Variants in PTPN2 observed in about 807,000 individuals in gnomAD.
The protein encoded by PTPN2 is protein tyrosine phosphatase non-receptor type 2.
A neutral mutation model predicts 57.3 loss-of-function variants in PTPN2; 19 were observed. The observed-to-expected ratio is 0.33, with a 90% CI of 0.23 to 0.49. The LOEUF is 0.49. Among genes scored for constraint, PTPN2 ranks in the 20% least tolerant of loss-of-function variants. PTPN2 has a pLI of 0.99. For missense variants in PTPN2, 358 were observed against 501.1 expected (o/e 0.71, Z 2.73); for synonymous variants, 153 against 164.9 (o/e 0.93, Z 0.55).
chr18:12,792,039 T>C (rs1465333876), downstream of PTPN2: 2 of 187,416 alleles, frequency 1.1e-5, no homozygotes, highest in African/African-American at 4.7e-5. Context: ...TGTAAGGGTC[T>C]TGGATGCCTC....
At chr18:12,872,059 C>CA (rs1219804008) in intron 1 of PTPN2, among the ~76,000 whole-genome samples, 7 of 73,402 alleles carry the variant, frequency 9.5e-5, no homozygotes, top group South Asian at 3.3e-4. Context: ...AAAAAAAAAA[C>CA]AAAAAAACAA....
chr18:12,824,974 TACTC>T (rs1252905558), intron 5 of PTPN2, among the ~76,000 whole-genome samples: 2 of 152,220 alleles, frequency 1.3e-5, no homozygotes, highest in East Asian at 3.9e-4. Flanking sequence ...TAATCCCAGA[TACTC>T]AGGAGGCTGA....
chr18:12,878,304 G>A (rs1473973974), intron 1 of PTPN2, among the ~76,000 whole-genome samples: 10 of 148,602 alleles, frequency 6.7e-5, no homozygotes, highest in Admixed American at 6.7e-4. Context: ...GTGACAAAGT[G>A]AGACCCAGTC....
chr18:12,801,405 T>C (rs1487555606), intron 8 of PTPN2, among the ~76,000 whole-genome samples: 2 of 151,598 alleles, frequency 1.3e-5, no homozygotes, highest in Non-Finnish European at 2.9e-5. Context: ...CCCAGCTACA[T>C]GGGAGGGCTG....
intron 2 of PTPN2, chr18:12,840,637 G>T: frequency 6.6e-7 from 1 of 1,507,342 alleles, no homozygotes; most frequent in Non-Finnish European, 9.0e-7. Flanking sequence ...CTGTCACTCA[G>T]GGAAGTCAAG....
intron 5 of PTPN2, among the ~76,000 whole-genome samples, chr18:12,822,758 G>GTT (rs974499007): frequency 1.3e-5 from 2 of 152,204 alleles, no homozygotes; most frequent in South Asian, 2.1e-4. Context: ...ACTCCCATTG[G>GTT]TTCTTTCTTT....
intron 2 of PTPN2, among the ~76,000 whole-genome samples, chr18:12,847,841 C>A (rs1322972040): frequency 6.6e-6 from 1 of 151,008 alleles, no homozygotes; most frequent in Non-Finnish European, 1.5e-5. Flanking sequence ...TCAGGTGATC[C>A]ACCCACCTCT....
At chr18:12,788,430 G>T (rs1233434536), downstream of PTPN2, among the ~76,000 whole-genome samples, 3 of 30,510 alleles carry the variant, frequency 9.8e-5, no homozygotes, top group African/African-American at 2.2e-4. Flanking sequence ...GGGGGATCAG[G>T]GCTTTTTTTT....
At chr18:12,844,257 T>G (rs1297958496) in intron 2 of PTPN2, among the ~76,000 whole-genome samples, 2 of 152,242 alleles carry the variant, frequency 1.3e-5, no homozygotes, top group African/African-American at 4.8e-5. Context: ...GCACACACTT[T>G]TGTGTGGACA....
At chr18:12,874,353 G>A (rs1222589872) in intron 1 of PTPN2, among the ~76,000 whole-genome samples, 84 of 140,366 alleles carry the variant, frequency 6.0e-4, no homozygotes, top group Non-Finnish European at 1.1e-3. Flanking sequence ...GGTGAGGGGC[G>A]CCTCTGCCCG....
intron 2 of PTPN2, among the ~76,000 whole-genome samples, chr18:12,839,810 C>T (rs1327019862): frequency 6.6e-6 from 1 of 151,762 alleles, no homozygotes; most frequent in African/African-American, 2.4e-5. Flanking sequence ...ACAAGGAGTC[C>T]CTTCACCTCC....
At chr18:12,875,645 A>C (rs7243270) in intron 1 of PTPN2, among the ~76,000 whole-genome samples, 3,601 of 152,336 alleles carry the variant, frequency 0.024, 154 homozygotes, top group African/African-American at 0.082. Context: ...GAGGATTTCC[A>C]AGGGAAACAA....
chr18:12,817,413 TA>T, intron 5 of PTPN2, 48 bp from the exon 6 acceptor site: 1 of 1,381,092 alleles, frequency 7.2e-7, no homozygotes, highest in Non-Finnish European at 1.0e-6. Context: ...TTTTTTCTTT[TA>T]AAAAACTACT....
chr18:12,839,413 T>C (rs1372433756), intron 2 of PTPN2: 4 of 152,174 alleles, frequency 2.6e-5, no homozygotes, highest in African/African-American at 4.8e-5. Flanking sequence ...TCCTCTTCCA[T>C]AGGAACCTCT....
At chr18:12,839,429 G>A (rs2042972968) in intron 2 of PTPN2, 2 of 152,156 alleles carry the variant, frequency 1.3e-5, no homozygotes. Flanking sequence ...CCTCTGACAT[G>A]AGATTATCAT....
intron 7 of PTPN2, among the ~76,000 whole-genome samples, chr18:12,812,108 T>C (rs902835339): frequency 6.6e-6 from 1 of 152,228 alleles, no homozygotes; most frequent in Non-Finnish European, 1.5e-5. Context: ...GGGGGTTAAC[T>C]GTCATCATCA....
At chr18:12,827,355 A>T (rs28411307) in intron 4 of PTPN2, among the ~76,000 whole-genome samples, 58,561 of 143,332 alleles carry the variant, frequency 0.41, 13,077 homozygotes, top group Middle Eastern at 0.52. Flanking sequence ...AAAAAAAAAA[A>T]AATAATAATA....
At chr18:12,821,686 A>G (rs1312439749) in intron 5 of PTPN2, among the ~76,000 whole-genome samples, 1 of 151,970 alleles carries the variant, frequency 6.6e-6, no homozygotes, top group African/African-American at 2.4e-5. Flanking sequence ...CACCCCCACC[A>G]AGGAATTCAC....
chr18:12,845,246 G>A (rs74366084), intron 2 of PTPN2, among the ~76,000 whole-genome samples: 16,364 of 152,100 alleles, frequency 0.11, 1,073 homozygotes, highest in Non-Finnish European at 0.16. Flanking sequence ...TTGACACTAT[G>A]AGTCACTATA....
Sources: gnomAD v4.1 joint callset for allele counts (sites outside exome capture counted in the v4.1 genomes callset) on GRCh38, gnomAD v4.1.1 for gene constraint, MANE v1.5 for transcripts, NCBI Gene and HGNC (gene_info 2026-07-23, HGNC 2026-07-21) for gene names.